EXOC4: variants seen among roughly 807,000 people sequenced by gnomAD.
EXOC4 encodes the protein exocyst complex component 4, also known as SEC8-like 1.
A neutral mutation model predicts 107.2 loss-of-function variants in EXOC4; 71 were observed. The observed-to-expected ratio is 0.66, with a 90% CI of 0.55 to 0.81. EXOC4 has a LOEUF of 0.81. Among genes scored for constraint, EXOC4 ranks in the 30% least tolerant of loss-of-function variants. The probability of loss-of-function intolerance (pLI) is 0.00; values close to 1 mark genes in which losing one functional copy is unlikely to be tolerated. For missense variants in EXOC4, 1,108 were observed against 1,189.6 expected, an observed-to-expected ratio of 0.93 and a Z score of 1.01; for synonymous variants, 456 against 441.2, an observed-to-expected ratio of 1.03 and a Z score of -0.42.
At chr7:133,824,215 T>C (rs1007935180) in intron 11 of EXOC4, among the ~76,000 whole-genome samples, 4 of 151,890 alleles carry the variant, frequency 2.6e-5, no homozygotes, top group Admixed American at 6.6e-5. Flanking sequence ...CTCTCCTTCC[T>C]ACCCCGGGTC....
At chr7:133,997,418 C>A in intron 14 of EXOC4, 74 bp from the exon 15 acceptor site, 2 of 1,558,062 alleles carry the variant, frequency 1.3e-6, no homozygotes, top group East Asian at 2.3e-5. Flanking sequence ...AGATGAACAG[C>A]AAAATAATAT....
At chr7:133,341,616 T>C (rs910000729) in intron 5 of EXOC4, among the ~76,000 whole-genome samples, 1 of 152,226 alleles carries the variant, frequency 6.6e-6, no homozygotes, top group African/African-American at 2.4e-5. Context: ...ACCTGTCTAG[T>C]GCTGTCAGTG....
intron 1 of EXOC4, among the ~76,000 whole-genome samples, chr7:133,264,524 A>G (rs377230045): frequency 6.6e-6 from 1 of 152,206 alleles, no homozygotes; most frequent in East Asian, 1.9e-4. Flanking sequence ...GAAATAAGCA[A>G]TCACAATGTA....
rs183747113 is a variant in EXOC4 at position 133,578,041 on chromosome 7, A to T, written c.1418-52004A>T. On this transcript the variant is annotated intron_variant, in intron 9 of 17. Coordinates refer to ENST00000253861, the MANE Select transcript of EXOC4 (RefSeq NM_021807.4). Reference sequence around the variant, plus strand: ...ATAGGGATTCTTTTAATAACCCCCTAATAAATAGATGCAAATAGTTTTCCA... The same window carrying T: ...ATAGGGATTCTTTTAATAACCCCCTTATAAATAGATGCAAATAGTTTTCCA... Among the ~76,000 whole-genome samples the T allele has an allele frequency of 2.0e-4, 30 of 152,280 alleles. No individual in the cohort carries two copies. In the East Asian group the frequency reaches 5.0e-3, roughly 25 times the overall value.
intron 10 of EXOC4, among the ~76,000 whole-genome samples, chr7:133,648,340 T>G (rs1803044237): frequency 6.6e-6 from 1 of 152,178 alleles, no homozygotes; most frequent in Non-Finnish European, 1.5e-5. Context: ...TTATAAACAT[T>G]CTCTGTTGGC....
intron 2 of EXOC4, among the ~76,000 whole-genome samples, chr7:133,279,232 G>C (rs1380099186): frequency 3.3e-5 from 5 of 152,268 alleles, no homozygotes; most frequent in Admixed American, 6.5e-5. Flanking sequence ...TTGGGCATTT[G>C]GGTTGGTTCC....
chr7:133,281,410 A>C (rs1022361377), intron 2 of EXOC4, among the ~76,000 whole-genome samples: 1 of 150,482 alleles, frequency 6.6e-6, no homozygotes, highest in Non-Finnish European at 1.5e-5. Flanking sequence ...CTCTTACGGC[A>C]GGAGAAAACC....
chr7:133,762,358 C>T (rs1282530263), intron 10 of EXOC4, among the ~76,000 whole-genome samples: 2 of 152,040 alleles, frequency 1.3e-5, no homozygotes, highest in African/African-American at 4.8e-5. Flanking sequence ...TCATAAATGG[C>T]TGGTGAATAT....
At chr7:133,678,733 C>T (rs1462116144) in intron 10 of EXOC4, among the ~76,000 whole-genome samples, 3 of 152,096 alleles carry the variant, frequency 2.0e-5, no homozygotes, top group African/African-American at 7.2e-5. Flanking sequence ...GCCTCAGGCT[C>T]CCAGGTGGCT....
At chr7:133,714,987 T>C (rs1351695025) in intron 10 of EXOC4, among the ~76,000 whole-genome samples, 2 of 152,212 alleles carry the variant, frequency 1.3e-5, no homozygotes, top group African/African-American at 4.8e-5. Flanking sequence ...CTTATGGTTC[T>C]AATACCTGAT....
At chr7:133,896,831 A>G (rs982911993) in intron 12 of EXOC4, among the ~76,000 whole-genome samples, 1 of 85,388 alleles carries the variant, frequency 1.2e-5, no homozygotes, top group African/African-American at 1.3e-4. Flanking sequence ...ATGTCTGGCT[A>G]TTTTTGTATT....
chr7:133,596,503 G>A (rs1368390994), intron 9 of EXOC4, among the ~76,000 whole-genome samples: 1 of 151,992 alleles, frequency 6.6e-6, no homozygotes, highest in Non-Finnish European at 1.5e-5. Context: ...TTTGTTTGTT[G>A]TGTTTGGAGC....
intron 17 of EXOC4, among the ~76,000 whole-genome samples, chr7:134,036,035 G>A (rs1371662522): frequency 6.6e-6 from 1 of 152,162 alleles, no homozygotes; most frequent in Non-Finnish European, 1.5e-5. Context: ...GAAGTCCCTG[G>A]AAATAGCAAT....
chr7:133,680,731 C>G (rs528878745), intron 10 of EXOC4, among the ~76,000 whole-genome samples: 38 of 152,298 alleles, frequency 2.5e-4, no homozygotes, highest in African/African-American at 8.7e-4. Context: ...ATTTAAGCCC[C>G]TAATCACAGA....
intron 10 of EXOC4, among the ~76,000 whole-genome samples, chr7:133,784,504 GTTC>G (rs1796530195): frequency 6.6e-6 from 1 of 152,110 alleles, no homozygotes; most frequent in Non-Finnish European, 1.5e-5. Flanking sequence ...TCTGGGGTCC[GTTC>G]TTCTTGTGTG....
chr7:134,057,917 G>A (rs951115665), intron 17 of EXOC4, among the ~76,000 whole-genome samples: 8 of 152,314 alleles, frequency 5.3e-5, no homozygotes, highest in Non-Finnish European at 7.3e-5. Flanking sequence ...AGTTAGTAGC[G>A]AAGAATGAAA....
At chr7:133,411,807 T>C (rs1797361520) in intron 7 of EXOC4, among the ~76,000 whole-genome samples, 1 of 152,110 alleles carries the variant, frequency 6.6e-6, no homozygotes, top group Admixed American at 6.6e-5. Context: ...GAGATTTATC[T>C]TCAAGGTCAC....
chr7:133,873,518 G>T (rs751533390), intron 11 of EXOC4, among the ~76,000 whole-genome samples: 3 of 152,128 alleles, frequency 2.0e-5, no homozygotes. Flanking sequence ...TAAGTGTGAA[G>T]ATGTTAAGTT....
chr7:133,550,713 T>A (rs1800570935), intron 9 of EXOC4, among the ~76,000 whole-genome samples: 1 of 152,178 alleles, frequency 6.6e-6, no homozygotes. Flanking sequence ...GTTCCCTAAC[T>A]TCACAAATGA....
Sources: allele counts gnomAD v4.1 joint callset (sites outside exome capture counted in the v4.1 genomes callset), GRCh38; gene constraint gnomAD v4.1.1; transcripts MANE v1.5; gene names NCBI Gene and HGNC (gene_info 2026-07-23, HGNC 2026-07-21).